Variants in CNTNAP3B observed in about 807,000 individuals in gnomAD.
The protein encoded by CNTNAP3B is contactin-associated protein-like 3B.
A neutral mutation model predicts 108.9 loss-of-function variants in CNTNAP3B; 25 were observed. The ratio of observed to expected loss-of-function variants is 0.23; its 90% CI spans 0.17 to 0.32. The LOEUF is 0.32. CNTNAP3B is among the 10% of genes least tolerant of loss of function. The pLI is 1.00. For synonymous variants in CNTNAP3B, 103 were observed against 473.4 expected, an observed-to-expected ratio of 0.22 and a Z score of 10.16; for missense variants, 252 against 1,210.4, an observed-to-expected ratio of 0.21 and a Z score of 11.75.
chr9:42,124,230 C>T (rs1320786704), intron 1 of CNTNAP3B, among the ~76,000 whole-genome samples: 1 of 132,692 alleles, frequency 7.5e-6, no homozygotes, highest in African/African-American at 3.0e-5. Flanking sequence ...AACTGGAACA[C>T]ATGCAGTATC....
chr9:41,954,219 C>A (rs2721428), intron 12 of CNTNAP3B, among the ~76,000 whole-genome samples: 10 of 152,192 alleles, frequency 6.6e-5, no homozygotes, highest in Non-Finnish European at 1.3e-4. Flanking sequence ...ACTGGAGAAA[C>A]GAAGAAACAT....
chr9:41,932,891 A>T lies in CNTNAP3B; in HGVS notation c.2238-3447T>A, dbSNP rs1179406255. Among the ~76,000 whole-genome samples, 5 of 152,262 alleles carry T rather than the reference A, an allele frequency of 3.3e-5. No homozygotes were observed. In the South Asian group the frequency reaches 6.2e-4, roughly 19 times the overall value. On this transcript the variant is annotated intron_variant, in intron 14 of 23. Transcript: ENST00000377561. ...ATTATGATCCACATCTAACCCACTT[A>T]AAAAATTTCTAGATTCTCAGTTTCT... is the stretch of plus-strand genomic sequence containing the variant.
chr9:41,969,511 C>A (rs1252112545), intron 10 of CNTNAP3B, among the ~76,000 whole-genome samples: 3 of 147,812 alleles, frequency 2.0e-5, no homozygotes. Context: ...AGCTTTATAA[C>A]TATTAGCTGA....
intron 14 of CNTNAP3B, among the ~76,000 whole-genome samples, chr9:41,935,628 CCCA>C (rs1301355618): frequency 1.1e-4 from 17 of 152,250 alleles, no homozygotes. Context: ...CATACACACC[CCCA>C]CATTTACAAA....
At chr9:42,049,344 T>C (rs1826932490) in intron 3 of CNTNAP3B, among the ~76,000 whole-genome samples, 1 of 139,880 alleles carries the variant, frequency 7.1e-6, no homozygotes, top group Non-Finnish European at 1.5e-5. Flanking sequence ...TATCAGCCTC[T>C]CTTGATCTAA....
At chr9:42,043,053 C>CCTTT (rs1208681138) in intron 3 of CNTNAP3B, among the ~76,000 whole-genome samples, 2 of 149,026 alleles carry the variant, frequency 1.3e-5, no homozygotes, top group Non-Finnish European at 3.0e-5. Context: ...TTCCTTAAGC[C>CCTTT]CTTTGCTCAG....
Position 41,920,319 on chromosome 9 carries a change from A to G in CNTNAP3B, c.2756-10T>C, listed in dbSNP as rs1823634240. ...CTGGTGGCCGTTCCACCTACAACGG[A>G]AACACTGCAAATAGAAATGTGTTCC... On this transcript the variant is annotated splice_polypyrimidine_tract_variant and intron_variant, in intron 17 of 23. Coordinates refer to ENST00000377561, the MANE Select transcript of CNTNAP3B (RefSeq NM_001201380.3). 1.6e-6 allele frequency: 1 copy of G among 619,286 alleles called. No individual in the cohort carries two copies. Among genetic ancestry groups the G allele is most frequent in the African/African-American group, 1.9e-5 (1 of 53,696 alleles). The allele number at this position is 619,286 out of a possible 1,614,324, so 38.4% of individuals were successfully genotyped here.
At position 42,109,126 on chromosome 9, in the gene CNTNAP3B, G is replaced by A. The variant is rs1828139138; in HGVS notation, c.86-4387C>T. On this transcript the variant is annotated intron_variant, in intron 1 of 23. Coordinates refer to ENST00000377561, the MANE Select transcript of CNTNAP3B (RefSeq NM_001201380.3). ...TGCACTTATTTAATAAAAGTGTATT[G>A]AGCACCTACCATGTTCAAAGCATTA... Among the ~76,000 whole-genome samples, 2 of 138,794 alleles carry A rather than the reference G, an allele frequency of 1.4e-5. 1 individual carries two copies. Among genetic ancestry groups the A allele is most frequent in the African/African-American group, 5.7e-5 (2 of 34,898 alleles). The allele number at this position is 138,794 out of a possible 152,430, so 91.1% of individuals were successfully genotyped here.
Position 42,125,941 on chromosome 9 carries a change from C to A in CNTNAP3B, c.85+3069G>T, listed in dbSNP as rs992536870. On this transcript the variant is annotated intron_variant, in intron 1 of 23. Transcript: ENST00000377561. Reference sequence around the variant, plus strand: ...CCTGAACTCCATTTTTTATAGAGTACCATTTGACACTAAAATTAAGAGTCT... The same window carrying A: ...CCTGAACTCCATTTTTTATAGAGTAACATTTGACACTAAAATTAAGAGTCT... Among the ~76,000 whole-genome samples, 10 of 132,344 alleles carry A rather than the reference C, an allele frequency of 7.6e-5. 1 individual carries two copies. The highest frequency in any genetic ancestry group is 3.3e-3 in the Middle Eastern group (1 of 306). 86.8% of individuals were successfully genotyped at this position (132,344 alleles called of 152,430 possible).
At chr9:41,932,749 A>G (rs1824018986) in intron 14 of CNTNAP3B, among the ~76,000 whole-genome samples, 1 of 151,780 alleles carries the variant, frequency 6.6e-6, no homozygotes, top group Admixed American at 6.6e-5. Flanking sequence ...CGAACTTCTG[A>G]CTTCATGATC....
chr9:42,018,643 C>A (rs1826254032), intron 3 of CNTNAP3B, among the ~76,000 whole-genome samples: 1 of 151,650 alleles, frequency 6.6e-6, no homozygotes, highest in Admixed American at 6.6e-5. Context: ...GACTGTGAGG[C>A]CACGGCTCCA....
chr9:41,925,389 C>G (rs1236635323), intron 15 of CNTNAP3B, among the ~76,000 whole-genome samples: 1 of 152,180 alleles, frequency 6.6e-6, no homozygotes, highest in Non-Finnish European at 1.5e-5. Flanking sequence ...GTCAGGAGAT[C>G]CAGACCATCC....
At chr9:41,969,047 T>C (rs1454562934) in intron 10 of CNTNAP3B, among the ~76,000 whole-genome samples, 67 of 152,340 alleles carry the variant, frequency 4.4e-4, no homozygotes, top group South Asian at 1.0e-3. Context: ...CCGCCCGCCT[T>C]GGCCTCCCAA....
intron 2 of CNTNAP3B, among the ~76,000 whole-genome samples, chr9:42,084,305 G>A (rs1382311484): frequency 8.2e-6 from 1 of 122,316 alleles, no homozygotes; most frequent in Non-Finnish European, 1.7e-5. Context: ...GAAACAATTA[G>A]GCAAAAGTGA....
At position 42,035,967 on chromosome 9, in the gene CNTNAP3B, G is replaced by C. The variant is rs996706796; in HGVS notation, c.391-22442C>G. ...TACTAAAAATATAAAAATTAGCTGG[G>C]CATGGTGGCGCATGCCTGTAGTCCC... is the stretch of plus-strand genomic sequence containing the variant. On this transcript the variant is annotated intron_variant, in intron 3 of 23. Transcript: ENST00000377561. Among the ~76,000 whole-genome samples the C allele has an allele frequency of 4.8e-4, 69 of 142,734 alleles. 1 individual carries two copies. Among genetic ancestry groups the C allele is most frequent in the African/African-American group, 1.9e-3 (69 of 36,684 alleles). The allele number at this position is 142,734 out of a possible 152,430, so 93.6% of individuals were successfully genotyped here.
chr9:42,063,375 T>C (rs1261502304), intron 3 of CNTNAP3B, among the ~76,000 whole-genome samples: 2 of 136,122 alleles, frequency 1.5e-5, no homozygotes, highest in African/African-American at 5.9e-5. Flanking sequence ...TATATCATCC[T>C]GCTCTTCCCT....
intron 10 of CNTNAP3B, among the ~76,000 whole-genome samples, chr9:41,968,899 C>G (rs1254430453): frequency 6.6e-6 from 1 of 152,080 alleles, no homozygotes; most frequent in Non-Finnish European, 1.5e-5. Flanking sequence ...CGGGTTCACG[C>G]CATTCTCCTG....
At chr9:42,020,567 C>T (rs1164590983) in intron 3 of CNTNAP3B, among the ~76,000 whole-genome samples, 4 of 144,222 alleles carry the variant, frequency 2.8e-5, no homozygotes, top group African/African-American at 5.4e-5. Flanking sequence ...CTTTCAACAA[C>T]CAGCCTCGTT....
intron 13 of CNTNAP3B, among the ~76,000 whole-genome samples, chr9:41,939,501 AAC>A (rs1376182253): frequency 6.9e-6 from 1 of 145,646 alleles, no homozygotes; most frequent in Non-Finnish European, 1.5e-5. Context: ...TCTGCCAAAA[AAC>A]AAAAAAAACA....
Sources: allele counts gnomAD v4.1 joint callset (sites outside exome capture counted in the v4.1 genomes callset), GRCh38; gene constraint gnomAD v4.1.1; transcripts MANE v1.5; gene names NCBI Gene and HGNC (gene_info 2026-07-23, HGNC 2026-07-21).